The following DNAH11 variants were observed in gnomAD, a reference collection of about 807,000 sequenced individuals.
DNAH11 encodes dynein axonemal heavy chain 11.
DNAH11 carries 442 observed loss-of-function variants against 526.0 expected under a neutral mutation model. The ratio of observed to expected loss-of-function variants is 0.84; its 90% confidence interval spans 0.78 to 0.91. The LOEUF (loss-of-function observed/expected upper bound fraction) is 0.91. DNAH11 is among the 40% of genes least tolerant of loss of function. The probability of loss-of-function intolerance (pLI) is 0.00; values close to 1 mark genes in which losing one functional copy is unlikely to be tolerated. For missense variants in DNAH11, 6,989 were observed against 5,448.7 expected (o/e 1.28, Z -8.90); for synonymous variants, 2,461 against 1,935.9 (o/e 1.27, Z -7.12).
intron 30 of DNAH11, among the ~76,000 whole-genome samples, chr7:21,663,188 G>GTA (rs1481783324): frequency 1.3e-5 from 2 of 152,160 alleles, no homozygotes; most frequent in Admixed American, 1.3e-4. Flanking sequence ...GTAGTCCATT[G>GTA]TATATATATG....
chr7:21,772,950 AAC>A (rs1428446966), intron 55 of DNAH11, among the ~76,000 whole-genome samples: 1 of 152,204 alleles, frequency 6.6e-6, no homozygotes, highest in Non-Finnish European at 1.5e-5. Flanking sequence ...CATTATTGAC[AAC>A]ACTTTGGTAA....
intron 75 of DNAH11, among the ~76,000 whole-genome samples, chr7:21,882,908 AAG>A (rs1227412179): frequency 6.6e-6 from 1 of 152,234 alleles, no homozygotes; most frequent in Non-Finnish European, 1.5e-5. Flanking sequence ...AAAAATTAAA[AAG>A]AGATACATAT....
rs768151384 is a variant in DNAH11 at position 21,589,407 on chromosome 7, G to T, written c.2169+4G>T. 1.3e-6 allele frequency: 2 copies of T among 1,590,224 alleles called. No individual in the cohort carries two copies. The highest frequency in any genetic ancestry group is 1.2e-5 in the South Asian group (1 of 85,938). ...CTGTGTCAATTTTGACCCAAAGGTA[G>T]GGATTTGATTTTTTAAGATGATTTA... On this transcript the variant is annotated splice_donor_region_variant and intron_variant, in intron 12 of 81. Transcript: ENST00000409508.
At chr7:21,807,159 G>A (rs1247132491) in intron 62 of DNAH11, among the ~76,000 whole-genome samples, 3 of 152,118 alleles carry the variant, frequency 2.0e-5, no homozygotes, top group Non-Finnish European at 4.4e-5. Context: ...GTTTGACTAG[G>A]GCAGTGTAGT....
chr7:21,658,780 T>G lies in DNAH11; in HGVS notation c.5095-18T>G. On this transcript the variant is annotated intron_variant, in intron 29 of 81. Coordinates refer to ENST00000409508, the MANE Select transcript of DNAH11 (RefSeq NM_001277115.2). ...CATAGTTAAGCCTGTGTTATAACAT[T>G]TCAACTTGCTTCCAAAGGTGGAAAC... The G allele has an allele frequency of 6.5e-7, 1 of 1,547,992 alleles. No homozygotes were observed. Among genetic ancestry groups the G allele is most frequent in the Non-Finnish European group, 8.7e-7 (1 of 1,144,412 alleles).
chr7:21,774,481 G>A (rs2269827), intron 56 of DNAH11, among the ~76,000 whole-genome samples: 91,251 of 151,998 alleles, frequency 0.6, 29,546 homozygotes, highest in African/African-American at 0.83. Context: ...CCTCAGTCCT[G>A]AGGCCCCTGC....
intron 26 of DNAH11, among the ~76,000 whole-genome samples, chr7:21,636,644 G>A (rs1786879662): frequency 6.6e-6 from 1 of 152,008 alleles, no homozygotes; most frequent in Admixed American, 6.6e-5. Context: ...AGGCTGAGGT[G>A]GGAGGATCAC....
intron 51 of DNAH11, among the ~76,000 whole-genome samples, chr7:21,745,447 G>C (rs1264081121): frequency 6.6e-6 from 1 of 152,174 alleles, no homozygotes; most frequent in Non-Finnish European, 1.5e-5. Flanking sequence ...CTTTAAAATG[G>C]GGGAGGGCTC....
At chr7:21,894,567 C>T (rs551037561) in intron 77 of DNAH11, 56 bp from the exon 78 acceptor site, 26 of 1,557,620 alleles carry the variant, frequency 1.7e-5, no homozygotes, top group Non-Finnish European at 2.1e-5. Context: ...TATACACAGT[C>T]ACCATGACGA....
intron 48 of DNAH11, among the ~76,000 whole-genome samples, chr7:21,739,916 T>C (rs1307790320): frequency 6.6e-6 from 1 of 152,216 alleles, no homozygotes; most frequent in Non-Finnish European, 1.5e-5. Flanking sequence ...TCCTATGTAC[T>C]CTCTTAATGC....
chr7:21,899,958 AATTTTTGTTAT>A lies in DNAH11; in HGVS notation c.13163-17_13163-7del, dbSNP rs748219827. 3 of 1,612,758 alleles carry A rather than the reference AATTTTTGTTAT, an allele frequency of 1.9e-6. No individual in the cohort carries two copies. Among genetic ancestry groups the A allele is most frequent in the Middle Eastern group, 1.7e-4 (1 of 6,054 alleles). ...TACATGCAACACTTTTATCCTATTC[AATTTTTGTTAT>A]ATTTCCAAAGCAATCATGCAGACGA... On this transcript the variant is annotated splice_polypyrimidine_tract_variant and intron_variant, in intron 80 of 81. Transcript: ENST00000409508.
intron 42 of DNAH11, among the ~76,000 whole-genome samples, chr7:21,712,353 T>C (rs191827182): frequency 1.3e-5 from 2 of 152,362 alleles, no homozygotes; most frequent in Admixed American, 1.3e-4. Flanking sequence ...GGTATACAAA[T>C]ATCTCTTCAA....
intron 30 of DNAH11, among the ~76,000 whole-genome samples, chr7:21,675,882 T>A (rs1554333627): frequency 1.3e-5 from 2 of 151,402 alleles, no homozygotes. Context: ...AATAAATAGA[T>A]AGGGGGTAAT....
intron 65 of DNAH11, among the ~76,000 whole-genome samples, chr7:21,825,367 C>G (rs560018269): frequency 6.6e-6 from 1 of 152,294 alleles, no homozygotes; most frequent in Non-Finnish European, 1.5e-5. Flanking sequence ...CAAGATTCTT[C>G]AGTGTTTATG....
chr7:21,823,283 G>C (rs1248127591), intron 65 of DNAH11, among the ~76,000 whole-genome samples: 2 of 151,814 alleles, frequency 1.3e-5, no homozygotes. Flanking sequence ...TCCCCCCTCG[G>C]TTTTTTCCTA....
intron 18 of DNAH11, among the ~76,000 whole-genome samples, chr7:21,602,027 G>A (rs1180670842): frequency 6.6e-6 from 1 of 151,528 alleles, no homozygotes; most frequent in East Asian, 1.9e-4. Flanking sequence ...TCTTGCAAAC[G>A]TATCATGGAT....
intron 69 of DNAH11, among the ~76,000 whole-genome samples, chr7:21,862,925 G>A (rs539723080): frequency 3.9e-5 from 6 of 152,086 alleles, no homozygotes; most frequent in South Asian, 2.1e-4. Flanking sequence ...TTAGCCAGGC[G>A]TGGTGGCAGG....
intron 28 of DNAH11, among the ~76,000 whole-genome samples, chr7:21,641,095 T>C (rs1253354538): frequency 6.6e-6 from 1 of 152,208 alleles, no homozygotes; most frequent in Non-Finnish European, 1.5e-5. Context: ...CATTTCTTGC[T>C]CCTGGCAGTG....
At chr7:21,596,007 CA>C (rs1784846449) in intron 14 of DNAH11, among the ~76,000 whole-genome samples, 2 of 152,118 alleles carry the variant, frequency 1.3e-5, no homozygotes, top group African/African-American at 4.8e-5. Flanking sequence ...ACGTAAAGTA[CA>C]GTACATTTGA....
Sources: gnomAD v4.1 joint callset for allele counts (sites outside exome capture counted in the v4.1 genomes callset) on GRCh38, gnomAD v4.1.1 for gene constraint, MANE v1.5 for transcripts, NCBI Gene and HGNC (gene_info 2026-07-23, HGNC 2026-07-21) for gene names.